SDHB: variants seen among roughly 807,000 people sequenced by gnomAD.
SDHB encodes the protein succinate dehydrogenase [ubiquinone] iron-sulfur subunit, mitochondrial.
SDHB carries 21 observed loss-of-function variants against 39.7 expected under a neutral mutation model. The observed-to-expected ratio is 0.53, with a 90% CI of 0.37 to 0.76. The LOEUF (loss-of-function observed/expected upper bound fraction) is 0.76. Ranked by LOEUF, SDHB falls within the 30% of genes least tolerant of loss-of-function variation. The probability of loss-of-function intolerance (pLI) is 0.00; values close to 1 mark genes in which losing one functional copy is unlikely to be tolerated. For missense variants in SDHB, 343 were observed against 350.9 expected, an observed-to-expected ratio of 0.98 and a Z score of 0.18; for synonymous variants, 118 against 117.0, an observed-to-expected ratio of 1.01 and a Z score of -0.06.
At chr1:17,029,276 T>G (rs2078010083) in intron 3 of SDHB, among the ~76,000 whole-genome samples, 1 of 151,392 alleles carries the variant, frequency 6.6e-6, no homozygotes, top group African/African-American at 2.4e-5. Flanking sequence ...CAGCTAATTT[T>G]CTGGTATTTT....
intron 3 of SDHB, among the ~76,000 whole-genome samples, chr1:17,029,886 GC>G (rs1196129160): frequency 1.3e-5 from 2 of 152,214 alleles, no homozygotes; most frequent in Non-Finnish European, 2.9e-5. Context: ...GGCACATGCC[GC>G]CATGTGCGGC....
intron 1 of SDHB, among the ~76,000 whole-genome samples, chr1:17,050,126 G>A (rs375142968): frequency 3.3e-5 from 5 of 151,946 alleles, no homozygotes; most frequent in East Asian, 1.9e-4. Context: ...CACTCTACAC[G>A]GATAATTGAT....
chr1:17,043,006 G>C (rs1395218557), intron 2 of SDHB, among the ~76,000 whole-genome samples: 1 of 115,382 alleles, frequency 8.7e-6, no homozygotes, highest in East Asian at 3.1e-4. Flanking sequence ...CTGTCACCCA[G>C]GCTGGAGTGC....
intron 3 of SDHB, among the ~76,000 whole-genome samples, chr1:17,029,913 C>A (rs2078013611): frequency 6.6e-6 from 1 of 152,140 alleles, no homozygotes; most frequent in Admixed American, 6.6e-5. Context: ...CAAAAAAATT[C>A]TTTGTAGGTT....
intron 1 of SDHB, among the ~76,000 whole-genome samples, chr1:17,046,563 A>G (rs2078111231): frequency 6.6e-6 from 1 of 152,192 alleles, no homozygotes; most frequent in Non-Finnish European, 1.5e-5. Flanking sequence ...ATCAGCTATC[A>G]TCACGAGTCT....
chr1:17,040,761 C>T (rs1016071113), intron 2 of SDHB, among the ~76,000 whole-genome samples: 3 of 152,014 alleles, frequency 2.0e-5, no homozygotes, highest in Admixed American at 6.6e-5. Context: ...ACCATGCCTG[C>T]CCTAGACCTT....
intron 2 of SDHB, among the ~76,000 whole-genome samples, chr1:17,035,395 C>T (rs1570952600): frequency 6.6e-6 from 1 of 152,230 alleles, no homozygotes; most frequent in East Asian, 1.9e-4. Flanking sequence ...ATTTGTAATA[C>T]CTTTCTCCCA....
chr1:17,018,902 C>A lies in SDHB; in HGVS notation c.822G>T (p.Lys274Asn). Residue 274 changes from lysine to asparagine, a missense_variant, in exon 8 of 8, where the codon AAG becomes AAT. Transcript: ENST00000375499. ...AEIKKMMATY[K>N]EKKASV ...ACAGTTAAACTGAAGCTTTCTTCTC[C>A]TTATAGGTTGCCATCATTTTCTTGA... The A allele has an allele frequency of 6.2e-7, 1 of 1,612,656 alleles. No homozygotes were observed. The highest frequency in any genetic ancestry group is 8.5e-7 in the Non-Finnish European group (1 of 1,178,870).
intron 6 of SDHB, chr1:17,022,970 A>G: frequency 2.1e-6 from 1 of 475,378 alleles, no homozygotes; most frequent in Non-Finnish European, 3.9e-6. Context: ...CGGGTGCTTA[A>G]TTATACACAC....
chr1:17,042,959 T>G (rs988236756), intron 2 of SDHB, among the ~76,000 whole-genome samples: 1 of 116,406 alleles, frequency 8.6e-6, no homozygotes, highest in Non-Finnish European at 1.8e-5. Context: ...TATGAGTTTT[T>G]TTTTTTTTTT....
intron 2 of SDHB, among the ~76,000 whole-genome samples, chr1:17,041,010 A>C (rs2078077283): frequency 6.6e-6 from 1 of 152,036 alleles, no homozygotes; most frequent in Non-Finnish European, 1.5e-5. Flanking sequence ...CACGTCTGTA[A>C]TCCCAGCTAC....
At chr1:17,041,729 G>A (rs2078081213) in intron 2 of SDHB, among the ~76,000 whole-genome samples, 1 of 152,070 alleles carries the variant, frequency 6.6e-6, no homozygotes, top group Non-Finnish European at 1.5e-5. Context: ...ATTGCATTAT[G>A]TTTTTCTGAA....
intron 7 of SDHB, among the ~76,000 whole-genome samples, chr1:17,022,335 C>A (rs1271834578): frequency 1.3e-5 from 2 of 152,150 alleles, no homozygotes; most frequent in Non-Finnish European, 2.9e-5. Flanking sequence ...AACGCAGGTA[C>A]CTGCTCATGG....
intron 2 of SDHB, among the ~76,000 whole-genome samples, chr1:17,039,829 T>C (rs544658239): frequency 2.6e-5 from 4 of 152,292 alleles, no homozygotes; most frequent in African/African-American, 9.6e-5. Context: ...CAGAATATAA[T>C]ATAATAACTT....
chr1:17,037,794 G>A (rs912886156), intron 2 of SDHB, among the ~76,000 whole-genome samples: 2 of 151,948 alleles, frequency 1.3e-5, no homozygotes, highest in African/African-American at 4.8e-5. Context: ...AGAGATGGGG[G>A]TCTCATTTTG....
intron 6 of SDHB, chr1:17,023,242 A>G (rs1016616806): frequency 3.8e-6 from 1 of 260,764 alleles, no homozygotes; most frequent in Middle Eastern, 1.4e-3. Context: ...TCACATGACC[A>G]TAGGCCTGCT....
chr1:17,025,962 G>GT (rs2077989227), intron 5 of SDHB, among the ~76,000 whole-genome samples: 1 of 152,208 alleles, frequency 6.6e-6, no homozygotes, highest in Non-Finnish European at 1.5e-5. Context: ...TGCTCAACTA[G>GT]TAAGTGTAAG....
At chr1:17,033,205 A>G in intron 2 of SDHB, 60 bp from the exon 3 acceptor site, 1 of 1,288,308 alleles carries the variant, frequency 7.8e-7, no homozygotes. Flanking sequence ...ACACTTTATC[A>G]TAATATAATC....
rs2101522991 is a variant in SDHB, at chr1:17,028,621, A to G, written c.402T>C (p.Tyr134=). Residue 134 remains tyrosine (Y), a synonymous_variant, in exon 4 of 8, where the codon TAT becomes TAC. Transcript: ENST00000375499. ...TCACGGGAACAAGATCCTTTATCAC[A>G]TACATGTGTGGAAGAGGGTAGATTT... ...VSKIYPLPHM[Y]VIKDLVPDLS... is the part of the protein sequence containing the mutation. The G allele has an allele frequency of 6.2e-7, 1 of 1,614,208 alleles. No homozygotes were observed. Among genetic ancestry groups the G allele is most frequent in the South Asian group, 1.1e-5 (1 of 91,088 alleles).
Sources: gnomAD v4.1 joint callset for allele counts (sites outside exome capture counted in the v4.1 genomes callset) on GRCh38, gnomAD v4.1.1 for gene constraint, MANE v1.5 for transcripts, NCBI Gene and HGNC (gene_info 2026-07-23, HGNC 2026-07-21) for gene names.